Variants in MYH1 observed in about 807,000 individuals in gnomAD.
MYH1 encodes the protein myosin heavy chain 1.
MYH1 carries 214 observed loss-of-function variants against 225.6 expected under a neutral mutation model. The observed-to-expected ratio is 0.95, with a 90% CI of 0.85 to 1.06. The LOEUF (loss-of-function observed/expected upper bound fraction) is 1.06. Ranked by LOEUF, MYH1 falls within the 50% of genes least tolerant of loss-of-function variation. The pLI, the probability that MYH1 is intolerant of heterozygous loss-of-function variation, is 0.00. For synonymous variants in MYH1, 774 were observed against 842.3 expected (o/e 0.92, Z 1.40); for missense variants, 2,098 against 2,344.2 (o/e 0.89, Z 2.17).
Position 10,495,048 on chromosome 17 carries a change from C to T in MYH1, c.5349G>A (p.Leu1783=), listed in dbSNP as rs769310912. Residue 1783 remains leucine (L), a synonymous_variant, in exon 37 of 40, where the codon CTG becomes CTA. Transcript: ENST00000226207. ...LKKEQDTSAH[L]ERMKKNLEQT... is the part of the protein sequence containing the mutation. ...GTTCCAGGTTCTTCTTCATCCGCTC[C>T]AGATGGGCGCTGGTGTCCTGTTCCT... 3 of 1,614,236 alleles carry T rather than the reference C, an allele frequency of 1.9e-6. No homozygotes were observed. Among genetic ancestry groups the T allele is most frequent in the African/African-American group, 1.3e-5 (1 of 75,068 alleles).
chr17:10,494,661 C>A lies in MYH1; in HGVS notation c.5479G>T (p.Glu1827Ter). The A allele has an allele frequency of 2.5e-6, 4 of 1,613,976 alleles. No individual in the cohort carries two copies. Residue 1827 changes from glutamate (E) to a stop codon, truncating the protein, a stop_gained, in exon 38 of 40, where the codon GAA becomes TAA. Coordinates refer to ENST00000226207, the MANE Select transcript of MYH1 (RefSeq NM_005963.4). LOFTEE classifies it high-confidence loss of function. ...QKLEARVREL[E>*]GEVESEQKRN... ...TTCTGTTCACTTTCAACTTCACCTT[C>A]AAGTTCACGAACCTACAAGAAGATG...
rs559234098 is a variant in MYH1 at position 10,493,770 on chromosome 17, A to C, written c.5667+584T>G. 2.0e-5 allele frequency among the ~76,000 whole-genome samples: 3 copies of C among 152,232 alleles called. No homozygotes were observed. In the East Asian group the frequency reaches 5.8e-4, roughly 29 times the overall value. ...AATTACTCTTAATTGCCTTTCTTTC[A>C]TCTCCCAAGTGCAACCTATTAGCAA... On this transcript the variant is annotated intron_variant, in intron 39 of 39. Transcript: ENST00000226207.
chr17:10,516,876 G>A (rs1289769059), intron 2 of MYH1, among the ~76,000 whole-genome samples, 194 bp from the exon 3 acceptor site: 2 of 152,158 alleles, frequency 1.3e-5, no homozygotes, highest in African/African-American at 4.8e-5. Context: ...ACTTAATCAT[G>A]CATTTGGAAA....
intron 24 of MYH1, 104 bp downstream of exon 24, chr17:10,502,634 G>A: frequency 1.3e-6 from 2 of 1,521,454 alleles, no homozygotes; most frequent in Non-Finnish European, 9.0e-7. Context: ...CTCATTCATA[G>A]GAGGCACTTG....
rs375730580 is a variant in MYH1, at chr17:10,507,920, C to T, written c.1934G>A (p.Gly645Asp). The T allele has an allele frequency of 3.3e-5, 53 of 1,613,758 alleles. No individual in the cohort carries two copies. The highest frequency in any genetic ancestry group is 4.5e-5 in the Non-Finnish European group (53 of 1,179,862). Residue 645 changes from glycine (G) to aspartate (D), a missense_variant, in exon 17 of 40, where the codon GGT becomes GAT. Coordinates refer to ENST00000226207, the MANE Select transcript of MYH1 (RefSeq NM_005963.4). ...AGCAGACACAGTCTGGAAAGAAGAACCCTTCTTCTTACCACCTTTCTTTCC... is the reference window on the plus strand; with the variant it reads ...AGCAGACACAGTCTGGAAAGAAGAATCCTTCTTCTTACCACCTTTCTTTCC... ...GGGKKGGKKK[G>D]SSFQTVSALF...
Position 10,504,858 on chromosome 17 carries a change from C to G in MYH1, c.2643G>C (p.Met881Ile), listed in dbSNP as rs145689977. Residue 881 changes from methionine (M) to isoleucine (I), a missense_variant, in exon 22 of 40, where the codon ATG becomes ATC. Transcript: ENST00000226207. ...CATTTTTTTCTTGCATCAGAGTAAC[C>G]ATTTTTTCTTCCAGCTCTTTCCTTT... The part of the protein sequence containing the change: ...EAKRKELEEK[M>I]VTLMQEKNDL... The G allele has an allele frequency of 7.7e-4, 1,242 of 1,614,092 alleles. 9 individuals carry two copies. In the African/African-American group the frequency reaches 0.011, roughly 15 times the overall value.
intron 4 of MYH1, 26 bp from the exon 5 acceptor site, chr17:10,516,108 C>T (rs757720981): frequency 6.2e-7 from 1 of 1,613,596 alleles, no homozygotes; most frequent in South Asian, 1.1e-5. Context: ...AAGGGAGGAA[C>T]AGAATTATTT....
chr17:10,508,701 C>T (rs1597441073), intron 15 of MYH1, 29 bp from the exon 16 acceptor site: 1 of 1,607,350 alleles, frequency 6.2e-7, no homozygotes, highest in Non-Finnish European at 8.5e-7. Flanking sequence ...ATAAATGCCA[C>T]TTGAATTCTG....
At chr17:10,514,725 C>T in intron 6 of MYH1, 143 bp downstream of exon 6, 1 of 762,262 alleles carries the variant, frequency 1.3e-6, no homozygotes, top group Non-Finnish European at 2.3e-6. Context: ...CAATGTAAAC[C>T]TTATAATAAA....
chr17:10,505,919 C>G lies in MYH1; in HGVS notation c.2067G>C (p.Glu689Asp). ...TCAGCTGATGCAGGACAAGCTCATG[C>G]TCCATGGCACCTAAAAGAATGAATC... is the stretch of plus-strand genomic sequence containing the variant. ...PNETKTPGAM[E>D]HELVLHQLRC... The change falls in exon 19 of 40, where the codon GAG becomes GAC. Residue 689 changes from glutamate to aspartate, a missense_variant. Coordinates refer to ENST00000226207, the MANE Select transcript of MYH1 (RefSeq NM_005963.4). 6.2e-7 allele frequency: 1 copy of G among 1,614,190 alleles called. No individual in the cohort carries two copies. Among genetic ancestry groups the G allele is most frequent in the Non-Finnish European group, 8.5e-7 (1 of 1,180,034 alleles).
At chr17:10,516,720 A>G (rs1597444851) in intron 2 of MYH1, 38 bp from the exon 3 acceptor site, 1 of 1,541,184 alleles carries the variant, frequency 6.5e-7, no homozygotes, top group African/African-American at 1.4e-5. Context: ...AAATTAAGAA[A>G]CTGGACCATT....
In MYH1 at chr17:10,505,417, G is replaced by A. The variant is rs768134420; in HGVS notation, c.2269C>T (p.His757Tyr). 6.2e-7 allele frequency: 1 copy of A among 1,614,188 alleles called. No homozygotes were observed. The highest frequency in any genetic ancestry group is 2.2e-5 in the East Asian group (1 of 44,884). Reference sequence around the variant, plus strand: ...GTGTGACCAAATTTATACTGGGTGTGGTCAATGTCAATGGACCCCAGGAGC... The same window carrying A: ...GTGTGACCAAATTTATACTGGGTGTAGTCAATGTCAATGGACCCCAGGAGC... ...EKLLGSIDID[H>Y]TQYKFGHTKV... is the part of the protein sequence containing the mutation. The change falls in exon 20 of 40, where the codon CAC (histidine) becomes TAC (tyrosine). Residue 757 changes from histidine to tyrosine, a missense_variant. Coordinates refer to ENST00000226207, the MANE Select transcript of MYH1 (RefSeq NM_005963.4).
At chr17:10,511,483 T>C (rs1432217459) in intron 14 of MYH1, among the ~76,000 whole-genome samples, 1 of 152,174 alleles carries the variant, frequency 6.6e-6, no homozygotes, top group Non-Finnish European at 1.5e-5. Flanking sequence ...TGTTAAGGGC[T>C]GAAAATTCAG....
chr17:10,505,174 C>G lies in MYH1; in HGVS notation c.2424G>C (p.Met808Ile). The G allele has an allele frequency of 6.2e-7, 1 of 1,614,084 alleles. No individual in the cohort carries two copies. Among genetic ancestry groups the G allele is most frequent in the Non-Finnish European group, 8.5e-7 (1 of 1,179,998 alleles). The change falls in exon 21 of 40, where the codon ATG (methionine) becomes ATC (isoleucine). Residue 808 changes from methionine to isoleucine, a missense_variant. Coordinates refer to ENST00000226207, the MANE Select transcript of MYH1 (RefSeq NM_005963.4). The part of the protein sequence containing the change: ...GFLARVEYQK[M>I]VERRESIFCI... The stretch of plus-strand genomic sequence containing the variant: ...ATTCTTATTAATACCTTCTTTCCAC[C>G]ATTTTCTGGTACTCCACTCTTGCCA...
intron 17 of MYH1, among the ~76,000 whole-genome samples, chr17:10,506,712 C>T (rs967606168): frequency 2.6e-5 from 4 of 152,082 alleles, no homozygotes; most frequent in Admixed American, 1.3e-4. Flanking sequence ...AGGCTGGTCT[C>T]GAACTCCTGA....
At chr17:10,503,479 T>C (rs2073078419) in intron 22 of MYH1, among the ~76,000 whole-genome samples, 1 of 152,192 alleles carries the variant, frequency 6.6e-6, no homozygotes, top group Admixed American at 6.5e-5. Context: ...TTATAACATA[T>C]ATAATATGTT....
At position 10,505,040 on chromosome 17, in the gene MYH1, T is replaced by C. The variant is rs1338721240; in HGVS notation, c.2461A>G (p.Asn821Asp). Residue 821 changes from asparagine to aspartate, a missense_variant, in exon 22 of 40, where the codon AAT becomes GAT. By Grantham distance (23) the Asn-to-Asp change is conservative. Coordinates refer to ENST00000226207, the MANE Select transcript of MYH1 (RefSeq NM_005963.4). ...RRESIFCIQY[N>D]VRAFMNVKHW... ...TTCACATTCATGAAGGCACGGACAT[T>C]GTACTGGATGCAGAAGATGGACTCT... 25 of 1,614,022 alleles carry C rather than the reference T, an allele frequency of 1.5e-5. No homozygotes were observed. The highest frequency in any genetic ancestry group is 1.8e-5 in the Non-Finnish European group (21 of 1,180,044).
Position 10,502,650 on chromosome 17 carries a change from T to A in MYH1, c.3111+88A>T, listed in dbSNP as rs2073070213. ...TCATTCATAGGAGGCACTTGATAAG[T>A]ACTCACTATATCATAACGACACAAA... On this transcript the variant is annotated intron_variant, in intron 24 of 39. Coordinates refer to ENST00000226207, the MANE Select transcript of MYH1 (RefSeq NM_005963.4). 7 of 1,573,814 alleles carry A rather than the reference T, an allele frequency of 4.4e-6. No homozygotes were observed. The East Asian group carries it at 1.6e-4, about 36-fold the overall frequency.
intron 17 of MYH1, 65 bp downstream of exon 17, chr17:10,507,821 C>T (rs2073128109): frequency 1.4e-6 from 2 of 1,398,748 alleles, no homozygotes; most frequent in Admixed American, 1.8e-5. Flanking sequence ...TTAGTTTTTT[C>T]CCCCACACCA....
Sources: gnomAD v4.1 joint callset for allele counts (sites outside exome capture counted in the v4.1 genomes callset) on GRCh38, gnomAD v4.1.1 for gene constraint, MANE v1.5 for transcripts, NCBI Gene and HGNC (gene_info 2026-07-23, HGNC 2026-07-21) for gene names.